Variants in RASSF4 observed in about 807,000 individuals in gnomAD.
RASSF4 encodes the protein ras association domain-containing protein 4.
A neutral mutation model predicts 41.1 loss-of-function variants in RASSF4; 38 were observed. That is an observed-to-expected ratio of 0.92 (90% CI 0.71 to 1.21). The LOEUF (loss-of-function observed/expected upper bound fraction) is 1.21. Among genes scored for constraint, RASSF4 ranks in the 50% most tolerant of loss-of-function variants. The pLI, the probability that RASSF4 is intolerant of heterozygous loss-of-function variation, is 0.00. For synonymous variants in RASSF4, 179 were observed against 163.4 expected (o/e 1.10, Z -0.73); for missense variants, 414 against 419.4 (o/e 0.99, Z 0.11).
At chr10:44,986,366 G>A (rs1288687775) in intron 6 of RASSF4, among the ~76,000 whole-genome samples, 4 of 152,144 alleles carry the variant, frequency 2.6e-5, no homozygotes, top group African/African-American at 9.7e-5. Context: ...CATGTCCTGA[G>A]CACTCTGCAG....
At chr10:44,992,479 GA>G (rs1247386093) in intron 10 of RASSF4, among the ~76,000 whole-genome samples, 1 of 152,246 alleles carries the variant, frequency 6.6e-6, no homozygotes, top group African/African-American at 2.4e-5. Context: ...TTCAGGTGCA[GA>G]GGGCTAGTTC....
chr10:44,990,284 G>A (rs951303870), intron 8 of RASSF4, among the ~76,000 whole-genome samples: 1 of 152,210 alleles, frequency 6.6e-6, no homozygotes. Flanking sequence ...TCACTGGCTG[G>A]GGCCCTGTAT....
chr10:44,972,330 G>A (rs752453499), intron 3 of RASSF4, among the ~76,000 whole-genome samples: 18 of 152,202 alleles, frequency 1.2e-4, no homozygotes, highest in Non-Finnish European at 2.5e-4. Flanking sequence ...GGGCTTATAG[G>A]CTCAGATGCT....
chr10:44,960,119 GC>G (rs1282261046), intron 1 of RASSF4, among the ~76,000 whole-genome samples: 1 of 152,224 alleles, frequency 6.6e-6, no homozygotes, highest in Non-Finnish European at 1.5e-5. Context: ...CCGGCCACTG[GC>G]TACACCTTTT....
At chr10:44,986,915 C>G (rs1041288923) in intron 6 of RASSF4, among the ~76,000 whole-genome samples, 27 of 152,150 alleles carry the variant, frequency 1.8e-4, no homozygotes, top group African/African-American at 6.3e-4. Context: ...TACTGCCTGA[C>G]CTATTGGATT....
intron 5 of RASSF4, 155 bp from the exon 6 acceptor site, chr10:44,984,658 G>C (rs975583284): frequency 2.7e-5 from 23 of 836,506 alleles, no homozygotes; most frequent in African/African-American, 2.7e-4. Flanking sequence ...TGCAAGCTGG[G>C]AATATCCAGC....
chr10:44,967,318 C>T (rs775605915), intron 1 of RASSF4, among the ~76,000 whole-genome samples: 1 of 152,250 alleles, frequency 6.6e-6, no homozygotes, highest in African/African-American at 2.4e-5. Context: ...GGACCCACAA[C>T]ACTTTTGTTC....
chr10:44,991,033 GAT>G lies in RASSF4; in HGVS notation c.772_773del (p.Met258GlyfsTer3). ...GTGAGAAGATCGCCAGGATCTTCCT[GAT>G]GGAAGCTGACTTGGGCGTGGAAGTC... ...PCEKIARIFLMEADLGVEVPH... is the reference protein window; with the variant it reads ...PCEKIARIFLXEADLGVEVPH... On this transcript the variant is annotated frameshift_variant, in exon 9 of 11. Coordinates refer to ENST00000340258, the MANE Select transcript of RASSF4 (RefSeq NM_032023.4). LOFTEE classifies it high-confidence loss of function. 5 of 1,613,800 alleles carry G rather than the reference GAT, an allele frequency of 3.1e-6. No individual in the cohort carries two copies. Among genetic ancestry groups the G allele is most frequent in the Non-Finnish European group, 4.2e-6 (5 of 1,179,766 alleles).
intron 6 of RASSF4, among the ~76,000 whole-genome samples, chr10:44,985,448 T>G (rs541884846): frequency 6.6e-6 from 1 of 152,364 alleles, no homozygotes; most frequent in African/African-American, 2.4e-5. Context: ...GGAAAAGCTT[T>G]CTTTCCCCAA....
At chr10:44,986,407 G>A (rs568143777) in intron 6 of RASSF4, among the ~76,000 whole-genome samples, 27 of 152,264 alleles carry the variant, frequency 1.8e-4, no homozygotes, top group Non-Finnish European at 2.1e-4. Flanking sequence ...GGTTTTCATC[G>A]CAGCCTCTCA....
At chr10:44,979,066 C>A (rs892309328) in intron 3 of RASSF4, among the ~76,000 whole-genome samples, 13 of 152,156 alleles carry the variant, frequency 8.5e-5, no homozygotes, top group African/African-American at 3.1e-4. Context: ...CCACTGGGCC[C>A]TCACAGGTAG....
At chr10:44,991,527 AAGTAGG>A (rs1241553432) in intron 9 of RASSF4, among the ~76,000 whole-genome samples, 2 of 152,184 alleles carry the variant, frequency 1.3e-5, no homozygotes, top group African/African-American at 4.8e-5. Flanking sequence ...TTTGAACCTC[AAGTAGG>A]AGGCCTAGTG....
At chr10:44,970,777 T>A in intron 2 of RASSF4, 1 of 154,100 alleles carries the variant, frequency 6.5e-6, no homozygotes, top group Admixed American at 6.4e-5. Flanking sequence ...CAGGGAGGCC[T>A]CAAGGAGCCT....
At position 44,994,244 on chromosome 10, in the gene RASSF4, G is replaced by A. The variant is rs1020131290; in HGVS notation, c.*915G>A. On this transcript the variant is annotated 3_prime_UTR_variant, in exon 11 of 11. Coordinates refer to ENST00000340258, the MANE Select transcript of RASSF4 (RefSeq NM_032023.4). ...TGATAAGGAGAAATGTCTGTTTTGA[G>A]GAAAGGGCTTTGAATTCCCCAGATA... is the stretch of plus-strand genomic sequence containing the variant. 2.0e-5 allele frequency: 3 copies of A among 152,556 alleles called. No homozygotes were observed. Among genetic ancestry groups the A allele is most frequent in the Non-Finnish European group, 4.4e-5 (3 of 68,046 alleles). 9.5% of individuals were successfully genotyped at this position (152,556 alleles called of 1,614,324 possible). A position where few individuals can be genotyped will look rare whatever the true frequency, so the allele number is the denominator to read the frequency against.
intron 3 of RASSF4, among the ~76,000 whole-genome samples, chr10:44,979,527 C>T (rs1841610181): frequency 1.3e-5 from 2 of 152,138 alleles, no homozygotes; most frequent in Non-Finnish European, 2.9e-5. Context: ...GAAAGCAGCG[C>T]AGTGGCATGC....
intron 5 of RASSF4, 60 bp downstream of exon 5, chr10:44,984,173 C>G: frequency 6.8e-7 from 1 of 1,459,884 alleles, no homozygotes; most frequent in Non-Finnish European, 9.2e-7. Flanking sequence ...AGCAGAGGGG[C>G]TTGGCTCACA....
At chr10:44,980,086 G>T (rs1047184568) in intron 3 of RASSF4, among the ~76,000 whole-genome samples, 1 of 152,158 alleles carries the variant, frequency 6.6e-6, no homozygotes, top group South Asian at 2.1e-4. Context: ...GGAGAAAGAG[G>T]AGTCTTGAGA....
At position 44,983,662 on chromosome 10, in the gene RASSF4, C is replaced by T. The variant is rs557656539; in HGVS notation, c.282-360C>T. 290 of 257,068 alleles carry T rather than the reference C, an allele frequency of 1.1e-3. 2 individuals are homozygous for T. Among genetic ancestry groups the T allele is most frequent in the Middle Eastern group, 4.2e-3 (3 of 720 alleles). 15.9% of individuals were successfully genotyped at this position (257,068 alleles called of 1,614,324 possible). A position where few individuals can be genotyped will look rare whatever the true frequency, so the allele number is the denominator to read the frequency against. ...GCCCCTGCCTGACACCCCACTAGGC[C>T]TTCGGGAAGCCCAGCGAGCCTGTTT... On this transcript the variant is annotated intron_variant, in intron 4 of 10. Transcript: ENST00000340258.
At chr10:44,989,423 T>C in intron 7 of RASSF4, 48 bp downstream of exon 7, 1 of 1,364,276 alleles carries the variant, frequency 7.3e-7, no homozygotes, top group Non-Finnish European at 1.0e-6. Flanking sequence ...AGTGGTCTGC[T>C]ATTCTGTTGG....
Sources: allele counts gnomAD v4.1 joint callset (sites outside exome capture counted in the v4.1 genomes callset), GRCh38; gene constraint gnomAD v4.1.1; transcripts MANE v1.5; gene names NCBI Gene and HGNC (gene_info 2026-07-23, HGNC 2026-07-21).